Variants in MEI1 observed in about 807,000 individuals in gnomAD.
MEI1 encodes the protein meiosis inhibitor protein 1.
MEI1 carries 103 observed loss-of-function variants against 146.2 expected under a neutral mutation model. The observed-to-expected ratio is 0.70, with a 90% CI of 0.60 to 0.83. The LOEUF (loss-of-function observed/expected upper bound fraction) is 0.83, where lower values mean the gene tolerates loss of function less well. Ranked by LOEUF, MEI1 falls within the 40% of genes least tolerant of loss-of-function variation. MEI1 has a pLI of 0.00. For missense variants in MEI1, 1,529 were observed against 1,533.0 expected, an observed-to-expected ratio of 1.00 and a Z score of 0.04; for synonymous variants, 652 against 628.2, an observed-to-expected ratio of 1.04 and a Z score of -0.57.
intron 30 of MEI1, among the ~76,000 whole-genome samples, chr22:41,798,038 C>T (rs1205248721): frequency 6.6e-6 from 1 of 152,066 alleles, no homozygotes; most frequent in Non-Finnish European, 1.5e-5. Flanking sequence ...TCACCGAACT[C>T]AGAAAGGAGC....
At chr22:41,729,164 CAAAA>C (rs386395490) in intron 7 of MEI1, among the ~76,000 whole-genome samples, 3 of 75,110 alleles carry the variant, frequency 4.0e-5, no homozygotes, top group Admixed American at 1.8e-4. Flanking sequence ...GACTCCGTCT[CAAAA>C]AAAAAAAAAA....
intron 26 of MEI1, among the ~76,000 whole-genome samples, chr22:41,786,005 G>C (rs1309957278): frequency 1.4e-5 from 2 of 144,700 alleles, no homozygotes; most frequent in Non-Finnish European, 3.0e-5. Context: ...CCGCCTCCCG[G>C]GTTCACGCCA....
chr22:41,785,024 C>A (rs1442313403), intron 26 of MEI1, among the ~76,000 whole-genome samples: 2 of 151,610 alleles, frequency 1.3e-5, no homozygotes, highest in Non-Finnish European at 2.9e-5. Flanking sequence ...GCAACCTCCG[C>A]CTCCCGGGTT....
At chr22:41,791,759 A>G (rs1361019536) in intron 26 of MEI1, among the ~76,000 whole-genome samples, 3 of 152,246 alleles carry the variant, frequency 2.0e-5, no homozygotes, top group Non-Finnish European at 4.4e-5. Context: ...ATGTCCATCA[A>G]CTGATGAATG....
chr22:41,753,793 C>G, intron 16 of MEI1, 156 bp from the exon 17 acceptor site: 1 of 601,518 alleles, frequency 1.7e-6, no homozygotes, highest in Non-Finnish European at 3.0e-6. Flanking sequence ...ATTTACTTTT[C>G]ATAGCCACCT....
Position 41,748,115 on chromosome 22 carries a change from G to A in MEI1, c.1689G>A (p.Leu563=), listed in dbSNP as rs776461725. The stretch of plus-strand genomic sequence containing the variant: ...CTCCTGGTTCTTTGCAGAGACACTT[G>A]GAGCAGACCACCCACCCAGCTTTGA... ...SLCIPMVMRH[L]EQTTHPALME... is the part of the protein sequence containing the mutation. Residue 563 remains leucine, a synonymous_variant, in exon 15 of 31, where the codon TTG becomes TTA. Coordinates refer to ENST00000401548, the MANE Select transcript of MEI1 (RefSeq NM_152513.4). 4.0e-5 allele frequency: 65 copies of A among 1,613,112 alleles called. No homozygotes were observed. Among genetic ancestry groups the A allele is most frequent in the Non-Finnish European group, 5.5e-5 (65 of 1,179,184 alleles).
chr22:41,752,836 C>T (rs550232605), intron 16 of MEI1, among the ~76,000 whole-genome samples, 185 bp downstream of exon 16: 2 of 152,110 alleles, frequency 1.3e-5, no homozygotes, highest in African/African-American at 2.4e-5. Context: ...TTGAATCTAA[C>T]GTGGTAAGGA....
rs750680681 is a variant in MEI1 at position 41,795,771 on chromosome 22, G to A, written c.3703G>A (p.Ala1235Thr). Residue 1235 changes from alanine to threonine, a missense_variant, in exon 30 of 31, where the codon GCC (alanine) becomes ACC (threonine). By Grantham distance (58) the Ala-to-Thr change is moderately conservative (BLOSUM62 0). This residue lies in a region of MEI1 where 313 missense variants were observed against 337.3 expected (regional missense o/e 0.93). Transcript: ENST00000401548. This position sits in a 1 kb window ranked among gnomAD's most constrained non-coding sequence, Gnocchi z 4.2. The stretch of plus-strand genomic sequence containing the variant: ...GGGACACCTGGCTGACCACAGCATG[G>A]CCCAGACCCTGCAGGCCTCCTTGGA... ...SMGHLADHSM[A>T]QTLQASLEGL... 4 of 1,613,616 alleles carry A rather than the reference G, an allele frequency of 2.5e-6. No individual in the cohort carries two copies. The highest frequency in any genetic ancestry group is 3.4e-6 in the Non-Finnish European group (4 of 1,179,814).
At chr22:41,718,529 G>A (rs2070427759) in intron 6 of MEI1, among the ~76,000 whole-genome samples, 1 of 152,128 alleles carries the variant, frequency 6.6e-6, no homozygotes, top group Non-Finnish European at 1.5e-5. Flanking sequence ...GCCTGCCCTG[G>A]TGCATCCTGT....
chr22:41,702,958 T>C (rs892319665), intron 1 of MEI1, among the ~76,000 whole-genome samples: 2 of 152,150 alleles, frequency 1.3e-5, no homozygotes, highest in Non-Finnish European at 2.9e-5. Flanking sequence ...GAGCTCGTGA[T>C]ACGCCCGCCT....
chr22:41,703,275 A>C, intron 1 of MEI1, 56 bp from the exon 2 acceptor site: 1 of 1,586,022 alleles, frequency 6.3e-7, no homozygotes, highest in Non-Finnish European at 8.6e-7. Flanking sequence ...CGGTTGTTGG[A>C]TTCAGAATAG....
intron 1 of MEI1, among the ~76,000 whole-genome samples, chr22:41,700,026 C>G (rs2068574930): frequency 6.6e-6 from 1 of 152,272 alleles, no homozygotes; most frequent in South Asian, 2.1e-4. Flanking sequence ...CCTTCTGGCT[C>G]CTTCCCTTTG....
At chr22:41,757,070 T>C (rs2074138215) in intron 17 of MEI1, among the ~76,000 whole-genome samples, 1 of 152,188 alleles carries the variant, frequency 6.6e-6, no homozygotes, top group African/African-American at 2.4e-5. Context: ...GCCTCTTTTC[T>C]CCTCACCCTC....
chr22:41,780,580 T>C (rs775813079), intron 22 of MEI1, among the ~76,000 whole-genome samples: 11,208 of 146,820 alleles, frequency 0.076, 937 homozygotes, highest in Admixed American at 0.25. Flanking sequence ...TTTTTTCTTT[T>C]CTTTTTTTTT....
chr22:41,744,859 G>T (rs934403527), intron 12 of MEI1, 114 bp from the exon 13 acceptor site: 4 of 482,818 alleles, frequency 8.3e-6, no homozygotes, highest in Non-Finnish European at 1.4e-5. Flanking sequence ...AAAGTTAGGT[G>T]TATGGGAATG....
chr22:41,780,576 C>CTTTTTTTTTTTTTTTTTTTTTTTT (rs150215660), intron 22 of MEI1, among the ~76,000 whole-genome samples: 1 of 121,538 alleles, frequency 8.2e-6, no homozygotes. Context: ...GAATTTTTTT[C>CTTTTTTTTTTTTTTTTTTTTTTTT]TTTTCTTTTT....
intron 20 of MEI1, among the ~76,000 whole-genome samples, chr22:41,775,492 A>C (rs1263178589): frequency 6.6e-6 from 1 of 152,006 alleles, no homozygotes; most frequent in African/African-American, 2.4e-5. Context: ...TTGCATTCAA[A>C]TTCTGTCTGT....
At chr22:41,722,969 T>C (rs532773626) in intron 6 of MEI1, among the ~76,000 whole-genome samples, 4 of 152,174 alleles carry the variant, frequency 2.6e-5, no homozygotes, top group African/African-American at 9.6e-5. Context: ...ATTTCTGGAC[T>C]TTTTTTTCCC....
chr22:41,784,627 G>A lies in MEI1; in HGVS notation c.3189G>A (p.Leu1063=), dbSNP rs2075885690. 6.2e-7 allele frequency: 1 copy of A among 1,612,704 alleles called. No individual in the cohort carries two copies. Among genetic ancestry groups the A allele is most frequent in the South Asian group, 1.1e-5 (1 of 91,074 alleles). ...ALLSAAILCF[L]RTALRQSFSS... ...TTCCAGCTGCCATCTTATGCTTCCT[G>A]CGGACAGCCCTGCGACAAAGCTTTT... The change falls in exon 26 of 31, where the codon CTG becomes CTA. Residue 1063 remains leucine, a synonymous_variant. Coordinates refer to ENST00000401548, the MANE Select transcript of MEI1 (RefSeq NM_152513.4).
Sources: gnomAD v4.1 joint callset for allele counts (sites outside exome capture counted in the v4.1 genomes callset) on GRCh38, gnomAD v4.1.1 for gene constraint, gnomAD v4.1.1 regional missense constraint, Gnocchi (gnomAD v3.1) non-coding constraint, MANE v1.5 for transcripts, NCBI Gene and HGNC (gene_info 2026-07-23, HGNC 2026-07-21) for gene names.